The following ARHGAP10 variants were observed in gnomAD, a reference collection of about 807,000 sequenced individuals.
ARHGAP10 encodes the protein Rho GTPase activating protein 10.
ARHGAP10 carries 87 observed loss-of-function variants against 108.6 expected under a neutral mutation model. The ratio of observed to expected loss-of-function variants is 0.80; its 90% CI spans 0.67 to 0.96. ARHGAP10 has a LOEUF of 0.96. Ranked by LOEUF, ARHGAP10 falls within the 40% of genes least tolerant of loss-of-function variation. The pLI is 0.00. For synonymous variants in ARHGAP10, 347 were observed against 341.1 expected (o/e 1.02, Z -0.19); for missense variants, 939 against 954.5 (o/e 0.98, Z 0.21).
chr4:148,057,505 A>G (rs1729415350), intron 20 of ARHGAP10, among the ~76,000 whole-genome samples: 1 of 152,226 alleles, frequency 6.6e-6, no homozygotes, highest in African/African-American at 2.4e-5. Context: ...GTGGAATAAT[A>G]GGGTGGTTGG....
At chr4:147,839,750 C>G (rs918290931) in intron 3 of ARHGAP10, among the ~76,000 whole-genome samples, 3 of 152,116 alleles carry the variant, frequency 2.0e-5, no homozygotes, top group Non-Finnish European at 4.4e-5. Context: ...GGTTGTTATT[C>G]TCAACAGATT....
intron 18 of ARHGAP10, among the ~76,000 whole-genome samples, chr4:147,968,279 A>C (rs1311831925): frequency 6.6e-6 from 1 of 152,188 alleles, no homozygotes; most frequent in African/African-American, 2.4e-5. Flanking sequence ...CCTCAAAGTA[A>C]AGCTTCCACT....
At chr4:147,783,419 CATTAA>C (rs1320293066) in intron 1 of ARHGAP10, among the ~76,000 whole-genome samples, 4 of 135,760 alleles carry the variant, frequency 2.9e-5, no homozygotes, top group Non-Finnish European at 4.7e-5. Context: ...ATATAGCACA[CATTAA>C]ATTATGTATT....
At chr4:147,936,228 C>T (rs1164555891) in intron 13 of ARHGAP10, among the ~76,000 whole-genome samples, 1 of 151,910 alleles carries the variant, frequency 6.6e-6, no homozygotes, top group Non-Finnish European at 1.5e-5. Context: ...CTGTATCGGG[C>T]TCAAAAGGTC....
chr4:147,936,719 A>G (rs576882532), intron 13 of ARHGAP10, among the ~76,000 whole-genome samples: 1 of 152,260 alleles, frequency 6.6e-6, no homozygotes, highest in Admixed American at 6.5e-5. Context: ...AGACTTAGGT[A>G]GACTAAGGGC....
chr4:147,811,333 CAT>C (rs1244209223), intron 1 of ARHGAP10, among the ~76,000 whole-genome samples: 1 of 152,210 alleles, frequency 6.6e-6, no homozygotes, highest in Admixed American at 6.5e-5. Context: ...AAGTGTAGAA[CAT>C]GTGTGAACCC....
chr4:148,071,486 C>CAT (rs1730175729), intron 22 of ARHGAP10, among the ~76,000 whole-genome samples: 1 of 152,116 alleles, frequency 6.6e-6, no homozygotes, highest in Non-Finnish European at 1.5e-5. Flanking sequence ...CATGGTGGTG[C>CAT]GTGCCTGTAA....
chr4:147,798,272 A>G (rs1385446968), intron 1 of ARHGAP10, among the ~76,000 whole-genome samples: 3 of 152,128 alleles, frequency 2.0e-5, no homozygotes, highest in African/African-American at 7.2e-5. Flanking sequence ...CCTCTGAACC[A>G]TCTTCGTTGT....
chr4:147,920,262 C>T (rs1014066642), intron 13 of ARHGAP10, among the ~76,000 whole-genome samples: 8 of 128,650 alleles, frequency 6.2e-5, no homozygotes, highest in Non-Finnish European at 1.0e-4. Flanking sequence ...ACCAAAAATA[C>T]AAAAATTAGC....
chr4:147,816,252 G>A (rs1402485826), intron 1 of ARHGAP10, among the ~76,000 whole-genome samples: 4 of 152,132 alleles, frequency 2.6e-5, no homozygotes, highest in Non-Finnish European at 5.9e-5. Context: ...GGAGCTGCCT[G>A]TGGGATTCTC....
Position 147,983,064 on chromosome 4 carries a change from A to G in ARHGAP10, c.1716+16225A>G, listed in dbSNP as rs6830938. Among the ~76,000 whole-genome samples the G allele has an allele frequency of 2.2e-3, 330 of 151,660 alleles. 2 individuals are homozygous for G. Among genetic ancestry groups the G allele is most frequent in the African/African-American group, 5.0e-3 (205 of 41,352 alleles). ...ACTGCTAAGTTTTTGCATTTTTTGTAGAGATGGGGGTCTCACCATGTTGCC... is the reference window on the plus strand; with the variant it reads ...ACTGCTAAGTTTTTGCATTTTTTGTGGAGATGGGGGTCTCACCATGTTGCC... On this transcript the variant is annotated intron_variant, in intron 18 of 22. Transcript: ENST00000336498.
chr4:147,762,389 A>G (rs1458248931), intron 1 of ARHGAP10, among the ~76,000 whole-genome samples: 1 of 152,128 alleles, frequency 6.6e-6, no homozygotes, highest in Admixed American at 6.5e-5. Context: ...GCATTGGTAG[A>G]CCTAAAGATA....
At chr4:147,789,280 G>A (rs1460459283) in intron 1 of ARHGAP10, among the ~76,000 whole-genome samples, 1 of 152,134 alleles carries the variant, frequency 6.6e-6, no homozygotes, top group Admixed American at 6.5e-5. Context: ...CCACTTGGTT[G>A]TGTTTTCCAC....
chr4:148,033,789 A>C lies in ARHGAP10; in HGVS notation c.1867+10376A>C, dbSNP rs113101054. On this transcript the variant is annotated intron_variant, in intron 19 of 22. Transcript: ENST00000336498. Reference sequence around the variant, plus strand: ...CCCTTTAGCATGAGCTGGCCTGGAGAGACTTCATTGGCACTAACTGAGAAT... The same window carrying C: ...CCCTTTAGCATGAGCTGGCCTGGAGCGACTTCATTGGCACTAACTGAGAAT... Among the ~76,000 whole-genome samples, 105 of 152,306 alleles carry C rather than the reference A, an allele frequency of 6.9e-4. 1 individual carries two copies. Among genetic ancestry groups the C allele is most frequent in the Middle Eastern group, 3.4e-3 (1 of 292 alleles).
intron 10 of ARHGAP10, among the ~76,000 whole-genome samples, chr4:147,884,253 A>G (rs1374254249): frequency 6.6e-6 from 1 of 152,146 alleles, no homozygotes; most frequent in Non-Finnish European, 1.5e-5. Context: ...GATCCTAGCT[A>G]TGATTGGAAC....
In ARHGAP10 at chr4:147,755,127, T is replaced by C. The variant is rs529715597; in HGVS notation, c.154+22672T>C. Among the ~76,000 whole-genome samples the C allele has an allele frequency of 3.3e-5, 5 of 151,760 alleles. No individual in the cohort carries two copies. The South Asian group carries it at 1.0e-3, about 32-fold the overall frequency. On this transcript the variant is annotated intron_variant, in intron 1 of 22. Coordinates refer to ENST00000336498, the MANE Select transcript of ARHGAP10 (RefSeq NM_024605.4). ...TTCAAAATGACTGCTTTAAAAACAT[T>C]CCAAACAATAAGGATATAATAAAAG... is the stretch of plus-strand genomic sequence containing the variant.
At chr4:147,784,681 AT>A (rs1490707283) in intron 1 of ARHGAP10, among the ~76,000 whole-genome samples, 2 of 94,066 alleles carry the variant, frequency 2.1e-5, no homozygotes, top group African/African-American at 8.5e-5. Flanking sequence ...TATATTATAA[AT>A]ATAAAATATA....
chr4:148,063,244 G>T lies in ARHGAP10; in HGVS notation c.2124G>T (p.Gly708=), dbSNP rs775935643. The T allele has an allele frequency of 1.2e-6, 2 of 1,614,164 alleles. No homozygotes were observed. Among genetic ancestry groups the T allele is most frequent in the Admixed American group, 1.7e-5 (1 of 60,016 alleles). Residue 708 remains glycine, a synonymous_variant, in exon 21 of 23, where the codon GGG becomes GGT. Transcript: ENST00000336498. Reference sequence around the variant, plus strand: ...CAGCTGTGACACCTCTTTCACCCGGGTCGTCCCCTTTCCCCTTTTCTCCTC... The same window carrying T: ...CAGCTGTGACACCTCTTTCACCCGGTTCGTCCCCTTTCCCCTTTTCTCCTC... The part of the protein sequence containing the change: ...SNSAVTPLSP[G]SSPFPFSPPA...
At chr4:148,050,669 G>C (rs553248222) in intron 20 of ARHGAP10, among the ~76,000 whole-genome samples, 15 of 151,652 alleles carry the variant, frequency 9.9e-5, no homozygotes, top group African/African-American at 3.4e-4. Flanking sequence ...CACCGTGCCC[G>C]GTTGATTCAT....
Sources: allele counts gnomAD v4.1 joint callset (sites outside exome capture counted in the v4.1 genomes callset), GRCh38; gene constraint gnomAD v4.1.1; transcripts MANE v1.5; gene names NCBI Gene and HGNC (gene_info 2026-07-23, HGNC 2026-07-21).